RBFOX1: variants seen among roughly 807,000 people sequenced by gnomAD.
RBFOX1 encodes RNA binding fox-1 homolog 1.
In RBFOX1, 8 loss-of-function variants were observed where a neutral mutation model predicts 57.7. That is an observed-to-expected ratio of 0.14 (90% CI 0.08 to 0.25). The LOEUF (loss-of-function observed/expected upper bound fraction) is 0.25. Ranked by LOEUF, RBFOX1 falls within the 10% of genes least tolerant of loss-of-function variation. RBFOX1 has a pLI of 1.00. For missense variants in RBFOX1, 611 were observed against 548.5 expected, an observed-to-expected ratio of 1.11 and a Z score of -1.14; for synonymous variants, 326 against 222.4, an observed-to-expected ratio of 1.47 and a Z score of -4.15.
chr16:7,420,707 G>C (rs1207657365), intron 4 of RBFOX1, among the ~76,000 whole-genome samples: 1 of 151,280 alleles, frequency 6.6e-6, no homozygotes, highest in Non-Finnish European at 1.5e-5. Flanking sequence ...GCATATAGCA[G>C]GGGTCATGTA....
intron 3 of RBFOX1, among the ~76,000 whole-genome samples, chr16:6,747,897 A>G (rs920578361): frequency 3.3e-5 from 5 of 152,186 alleles, no homozygotes; most frequent in African/African-American, 9.6e-5. Flanking sequence ...TCACCATTGT[A>G]AAACTGGTGG....
chr16:7,709,068 T>G lies in RBFOX1; in HGVS notation c.1008T>G (p.Val336=), dbSNP rs1449894356. 1.2e-6 allele frequency: 2 copies of G among 1,613,668 alleles called. No individual in the cohort carries two copies. The highest frequency in any genetic ancestry group is 2.7e-5 in the African/African-American group (2 of 74,900). Residue 336 remains valine (V), a synonymous_variant, in exon 15 of 16, where the codon GTT becomes GTG. Coordinates refer to ENST00000550418, the MANE Select transcript of RBFOX1 (RefSeq NM_018723.4). ...AAAYSDSYGR[V]YAADPYHHAL... ...ATTTTCCTTTCAGTTACGGACGAGT[T>G]TATGCTGCCGACCCCTACCACCACG...
intron 3 of RBFOX1, among the ~76,000 whole-genome samples, chr16:5,689,623 C>T (rs751653450): frequency 2.6e-5 from 4 of 152,122 alleles, no homozygotes; most frequent in Non-Finnish European, 4.4e-5. Flanking sequence ...CCTATCAGGA[C>T]AAAGCATTTC....
At chr16:7,106,229 G>A (rs2063561944) in intron 4 of RBFOX1, among the ~76,000 whole-genome samples, 1 of 152,150 alleles carries the variant, frequency 6.6e-6, no homozygotes, top group African/African-American at 2.4e-5. Context: ...TAATGACTGT[G>A]TGTGCATGAA....
rs1217730923 is a variant in RBFOX1 at position 6,056,869 on chromosome 16, GGAAGT to G, written c.-127+36880_-127+36884del. 7 of 143,524 alleles carry G rather than the reference GGAAGT, an allele frequency of 4.9e-5. No individual in the cohort carries two copies. The East Asian group carries it at 1.4e-3, about 29-fold the overall frequency. The allele number at this position is 143,524 out of a possible 1,614,324, so 8.9% of individuals were successfully genotyped here. A position where few individuals can be genotyped will look rare whatever the true frequency, so the allele number is the denominator to read the frequency against. Reference sequence around the variant, plus strand: ...TTTTTTTTTTTTTCTTTTTTACTCTGGAAGTGAGCTGCATACAGAAAGAACAAAGA... The same window carrying G: ...TTTTTTTTTTTTTCTTTTTTACTCTGGAGCTGCATACAGAAAGAACAAAGA... On this transcript the variant is annotated intron_variant, in intron 1 of 15. Transcript: ENST00000550418.
At chr16:6,601,036 GA>G (rs1213226049) in intron 2 of RBFOX1, among the ~76,000 whole-genome samples, 1 of 151,980 alleles carries the variant, frequency 6.6e-6, no homozygotes, top group Non-Finnish European at 1.5e-5. Context: ...AGGAATGAAA[GA>G]AAAAAACAGT....
At chr16:6,590,643 C>T (rs1474630965) in intron 2 of RBFOX1, among the ~76,000 whole-genome samples, 1 of 152,170 alleles carries the variant, frequency 6.6e-6, no homozygotes, top group African/African-American at 2.4e-5. Context: ...TAGCTGGAGG[C>T]CTCTTCATCC....
At chr16:7,047,579 T>G (rs550683062) in intron 3 of RBFOX1, among the ~76,000 whole-genome samples, 4 of 151,176 alleles carry the variant, frequency 2.6e-5, no homozygotes, top group Non-Finnish European at 5.9e-5. Context: ...GTTTATATCT[T>G]TTGTCAAATG....
intron 4 of RBFOX1, among the ~76,000 whole-genome samples, chr16:7,149,773 C>T (rs1013680315): frequency 6.6e-6 from 1 of 152,062 alleles, no homozygotes; most frequent in Non-Finnish European, 1.5e-5. Context: ...AACTGTAGCC[C>T]CAGTGACTTT....
At chr16:6,324,976 G>T (rs748463429) in intron 2 of RBFOX1, among the ~76,000 whole-genome samples, 1 of 152,136 alleles carries the variant, frequency 6.6e-6, no homozygotes, top group African/African-American at 2.4e-5. Flanking sequence ...AACTAAATCA[G>T]TACAGACATT....
rs5815409 is a variant in RBFOX1, at chr16:7,564,540, C to CAAAAAAAA, written c.271-15216_271-15209dup. ...TGGCTGACAGAGCAAGACTCCATCT[C>CAAAAAAAA]AAAAAAAAAAAAAAAAAAAAAAAAA... On this transcript the variant is annotated intron_variant, in intron 5 of 15. Transcript: ENST00000550418. Among the ~76,000 whole-genome samples, 42 of 82,510 alleles carry CAAAAAAAA rather than the reference C, an allele frequency of 5.1e-4. 6 individuals are homozygous for CAAAAAAAA. The highest frequency in any genetic ancestry group is 3.3e-3 in the African/African-American group (34 of 10,454). 54.1% of individuals were successfully genotyped at this position (82,510 alleles called of 152,430 possible). A position where few individuals can be genotyped will look rare whatever the true frequency, so the allele number is the denominator to read the frequency against.
chr16:5,354,081 C>CT (rs2065328479), intron 1 of RBFOX1, among the ~76,000 whole-genome samples: 1 of 151,808 alleles, frequency 6.6e-6, no homozygotes, highest in East Asian at 1.9e-4. Context: ...CAGTCTCCAC[C>CT]GGCCCCTTAC....
At chr16:6,210,377 A>AAAAAAAAAAAAAAAAAAAAAG (rs1555552426) in intron 1 of RBFOX1, among the ~76,000 whole-genome samples, 1 of 128,442 alleles carries the variant, frequency 7.8e-6, no homozygotes, top group African/African-American at 2.6e-5. Context: ...AAAAAAAAAA[A>AAAAAAAAAAAAAAAAAAAAAG]AGAGAAAGGA....
chr16:5,958,561 A>T (rs2059691083), intron 4 of RBFOX1, among the ~76,000 whole-genome samples: 1 of 152,244 alleles, frequency 6.6e-6, no homozygotes, highest in South Asian at 2.1e-4. Flanking sequence ...TGATAAGAGC[A>T]GGTGAGGATT....
At chr16:5,304,950 G>A (rs1422406213) in intron 1 of RBFOX1, among the ~76,000 whole-genome samples, 1 of 152,088 alleles carries the variant, frequency 6.6e-6, no homozygotes, top group Admixed American at 6.6e-5. Flanking sequence ...CATGAAATTT[G>A]CCTCTTCGTG....
intron 4 of RBFOX1, among the ~76,000 whole-genome samples, chr16:7,189,129 G>C (rs1456382706): frequency 6.6e-6 from 1 of 151,826 alleles, no homozygotes; most frequent in Non-Finnish European, 1.5e-5. Context: ...GTGATTTCTA[G>C]AAAGGAATCC....
chr16:6,886,848 A>C (rs2064168018), intron 3 of RBFOX1, among the ~76,000 whole-genome samples: 1 of 152,140 alleles, frequency 6.6e-6, no homozygotes, highest in Admixed American at 6.5e-5. Context: ...AATCAGTGAA[A>C]TATGGCAAAA....
intron 4 of RBFOX1, among the ~76,000 whole-genome samples, chr16:7,405,221 A>C (rs1469964261): frequency 6.6e-6 from 1 of 152,196 alleles, no homozygotes; most frequent in Non-Finnish European, 1.5e-5. Flanking sequence ...TCTGCTTGGT[A>C]AAGTAGAAAG....
At chr16:7,609,912 G>A (rs1250293300) in intron 10 of RBFOX1, among the ~76,000 whole-genome samples, 2 of 151,886 alleles carry the variant, frequency 1.3e-5, no homozygotes, top group South Asian at 2.1e-4. Flanking sequence ...CTGCCTCCCG[G>A]GTTCAAGTGA....
Sources: gnomAD v4.1 joint callset for allele counts (sites outside exome capture counted in the v4.1 genomes callset) on GRCh38, gnomAD v4.1.1 for gene constraint, MANE v1.5 for transcripts, NCBI Gene and HGNC (gene_info 2026-07-23, HGNC 2026-07-21) for gene names.